Variants in SATB2 observed in about 807,000 individuals in gnomAD.
SATB2 encodes DNA-binding protein SATB2.
SATB2 carries 1 observed loss-of-function variant against 73.4 expected under a neutral mutation model. That is an observed-to-expected ratio of 0.01 (90% CI 0.00 to 0.06). The LOEUF is 0.06. SATB2 is among the 10% of genes least tolerant of loss of function. The pLI is 1.00. For missense variants in SATB2, 459 were observed against 945.8 expected (o/e 0.49, Z 6.75); for synonymous variants, 397 against 367.0 (o/e 1.08, Z -0.93).
chr2:199,360,087 C>A (rs942062704), intron 6 of SATB2, among the ~76,000 whole-genome samples: 14 of 152,164 alleles, frequency 9.2e-5, no homozygotes, highest in African/African-American at 3.4e-4. Context: ...CAGCTTTGAA[C>A]CTTGTAATCG....
At chr2:199,369,095 C>CTA (rs1199227782) in intron 5 of SATB2, among the ~76,000 whole-genome samples, 1 of 152,184 alleles carries the variant, frequency 6.6e-6, no homozygotes, top group Non-Finnish European at 1.5e-5. Flanking sequence ...CAAGCTTACA[C>CTA]AGCCAAGAAT....
chr2:199,439,066 T>A (rs1289677727), intron 2 of SATB2, among the ~76,000 whole-genome samples: 1 of 152,262 alleles, frequency 6.6e-6, no homozygotes, highest in Non-Finnish European at 1.5e-5. Flanking sequence ...CCTGTACTAC[T>A]TGTAAGTGAA....
chr2:199,328,950 G>A (rs748965308), intron 7 of SATB2, 40 bp from the exon 8 acceptor site: 2 of 1,491,302 alleles, frequency 1.3e-6, no homozygotes, highest in Non-Finnish European at 1.9e-6. Flanking sequence ...AGTCACATTT[G>A]CAGGTATATG....
chr2:199,416,610 A>G (rs1451571774), intron 3 of SATB2, among the ~76,000 whole-genome samples: 1 of 152,250 alleles, frequency 6.6e-6, no homozygotes, highest in Non-Finnish European at 1.5e-5. Context: ...ACAGTAAAGT[A>G]GAAGACTGGA....
At position 199,269,950 on chromosome 2, in the gene SATB2, A is replaced by C. The variant is rs1559134150; in HGVS notation, c.*2261T>G. Reference sequence around the variant, plus strand: ...AAATACCTAATAAATTTTTGGTTGAAGTGTAAAAGATACCAAATGCGGATG... The same window carrying C: ...AAATACCTAATAAATTTTTGGTTGACGTGTAAAAGATACCAAATGCGGATG... On this transcript the variant is annotated 3_prime_UTR_variant, in exon 11 of 11. Coordinates refer to ENST00000417098, the MANE Select transcript of SATB2 (RefSeq NM_001172509.2). 1 of 152,776 alleles carries C rather than the reference A, an allele frequency of 6.5e-6. No individual in the cohort carries two copies. 9.5% of individuals were successfully genotyped at this position (152,776 alleles called of 1,614,324 possible).
upstream of SATB2, chr2:199,458,683 C>G (rs1183187629): frequency 4.5e-6 from 2 of 442,484 alleles, no homozygotes; most frequent in Admixed American, 2.4e-5. Context: ...CCGCGGCTGC[C>G]TCGGCTCCCA....
rs577206123 is a variant in SATB2, at chr2:199,279,620, T to G, written c.1741-6948A>C. Among the ~76,000 whole-genome samples, 10 of 152,298 alleles carry G rather than the reference T, an allele frequency of 6.6e-5. No individual in the cohort carries two copies. The East Asian group carries it at 1.9e-3, about 29-fold the overall frequency. On this transcript the variant is annotated intron_variant, in intron 10 of 10. Transcript: ENST00000417098. ...TAGGTTAAAACAGTTTCCCAGGTGG[T>G]CACGTCTGTCTCTCTATGACAAGCC...
intron 2 of SATB2, among the ~76,000 whole-genome samples, chr2:199,447,035 G>A (rs569633972): frequency 6.6e-6 from 1 of 152,218 alleles, no homozygotes; most frequent in East Asian, 1.9e-4. Context: ...CACCACACAT[G>A]GGGGTAACCC....
At position 199,397,616 on chromosome 2, in the gene SATB2, C is replaced by T. The variant is rs1012476214; in HGVS notation, c.347-15796G>A. On this transcript the variant is annotated intron_variant, in intron 3 of 10. Coordinates refer to ENST00000417098, the MANE Select transcript of SATB2 (RefSeq NM_001172509.2). ...AAGATATATGAAAGATGGCTGGGCG[C>T]GATGGCTCACGCCTGTAATCCCAGT... 12 of 183,614 alleles carry T rather than the reference C, an allele frequency of 6.5e-5. No individual in the cohort carries two copies. In the South Asian group the frequency reaches 6.9e-4, roughly 11 times the overall value. The allele number at this position is 183,614 out of a possible 1,614,324, so 11.4% of individuals were successfully genotyped here. A position where few individuals can be genotyped will look rare whatever the true frequency, so the allele number is the denominator to read the frequency against.
intron 7 of SATB2, among the ~76,000 whole-genome samples, chr2:199,333,213 G>A (rs1357194064): frequency 1.3e-5 from 2 of 151,772 alleles, no homozygotes; most frequent in Non-Finnish European, 2.9e-5. Flanking sequence ...TGAATACAAA[G>A]TTCTGAGAGG....
At chr2:199,282,449 TG>T (rs1247924722) in intron 10 of SATB2, among the ~76,000 whole-genome samples, 1 of 152,208 alleles carries the variant, frequency 6.6e-6, no homozygotes, top group Non-Finnish European at 1.5e-5. Flanking sequence ...CACAAAGTTC[TG>T]GTTTCAAATC....
intron 3 of SATB2, among the ~76,000 whole-genome samples, chr2:199,401,795 G>A (rs1039721117): frequency 4.6e-5 from 7 of 152,172 alleles, no homozygotes; most frequent in Non-Finnish European, 8.8e-5. Flanking sequence ...TGCAGATGCA[G>A]ATCAGAAGAG....
chr2:199,316,559 T>C (rs990711764), intron 9 of SATB2, among the ~76,000 whole-genome samples: 5 of 152,130 alleles, frequency 3.3e-5, no homozygotes, highest in Admixed American at 6.5e-5. Context: ...ATGTCTGGGT[T>C]ATCTTATGCA....
chr2:199,319,312 T>C (rs1687821368), intron 9 of SATB2, among the ~76,000 whole-genome samples: 1 of 152,100 alleles, frequency 6.6e-6, no homozygotes, highest in African/African-American at 2.4e-5. Context: ...GCATGGAGGA[T>C]TGGCAGAGGT....
At chr2:199,401,341 T>C (rs1215295421) in intron 3 of SATB2, among the ~76,000 whole-genome samples, 9 of 150,646 alleles carry the variant, frequency 6.0e-5, no homozygotes, top group Non-Finnish European at 1.2e-4. Flanking sequence ...AGGTCAGGAA[T>C]TCAAGACCAG....
intron 10 of SATB2, among the ~76,000 whole-genome samples, chr2:199,283,722 C>T (rs778646179): frequency 2.4e-4 from 37 of 151,994 alleles, no homozygotes; most frequent in Admixed American, 8.5e-4. Flanking sequence ...CACTGCCACA[C>T]GCTCATGGCA....
intron 8 of SATB2, among the ~76,000 whole-genome samples, chr2:199,325,658 C>G (rs898260804): frequency 6.6e-6 from 1 of 152,164 alleles, no homozygotes; most frequent in Admixed American, 6.6e-5. Context: ...GCCTCACTGA[C>G]TATCTCATCC....
intron 3 of SATB2, among the ~76,000 whole-genome samples, chr2:199,390,389 C>T (rs1690094030): frequency 6.6e-6 from 1 of 152,140 alleles, no homozygotes. Context: ...TCATCCAGTA[C>T]ATATTTTCTT....
In SATB2 at chr2:199,380,415, C is replaced by T; in HGVS notation, c.546G>A (p.Leu182=). Residue 182 remains leucine (L), a synonymous_variant, in exon 5 of 11, where the codon CTG becomes CTA. Coordinates refer to ENST00000417098, the MANE Select transcript of SATB2 (RefSeq NM_001172509.2). ...ATGTGCTCTGGTTCATCTCTTTGAG[C>T]AGTTCCTTTAAGGCATTGCGGACTG... is the stretch of plus-strand genomic sequence containing the variant. The part of the protein sequence containing the change: ...HATVRNALKE[L]LKEMNQSTLA... 1 of 1,613,974 alleles carries T rather than the reference C, an allele frequency of 6.2e-7. No homozygotes were observed. The highest frequency in any genetic ancestry group is 1.7e-4 in the Middle Eastern group (1 of 6,052).
Sources: allele counts gnomAD v4.1 joint callset (sites outside exome capture counted in the v4.1 genomes callset), GRCh38; gene constraint gnomAD v4.1.1; transcripts MANE v1.5; gene names NCBI Gene and HGNC (gene_info 2026-07-23, HGNC 2026-07-21).